VCL: variants seen among roughly 807,000 people sequenced by gnomAD.
The protein encoded by VCL is epididymis luminal protein 114.
VCL carries 47 observed loss-of-function variants against 125.7 expected under a neutral mutation model. The observed-to-expected ratio is 0.37, with a 90% CI of 0.30 to 0.48. The LOEUF (loss-of-function observed/expected upper bound fraction) is 0.48. VCL is among the 20% of genes least tolerant of loss of function. VCL has a pLI of 0.99. For missense variants in VCL, 1,069 were observed against 1,455.5 expected (o/e 0.73, Z 4.32); for synonymous variants, 458 against 514.6 (o/e 0.89, Z 1.49).
Position 74,111,976 on chromosome 10 carries a change from G to A in VCL, c.2813G>A (p.Gly938Asp). 6.2e-7 allele frequency: 1 copy of A among 1,614,182 alleles called. No individual in the cohort carries two copies. Among genetic ancestry groups the A allele is most frequent in the Non-Finnish European group, 8.5e-7 (1 of 1,180,030 alleles). ...VAEADAADAA[G>D]FPVPPDMEDD... ...GAGGCAGATGCGGCCGATGCTGCTG[G>A]CTTCCCTGTCCCCCCTGACATGGAA... is the stretch of plus-strand genomic sequence containing the variant. Residue 938 changes from glycine (G) to aspartate (D), a missense_variant, in exon 19 of 22, where the codon GGC (glycine) becomes GAC (aspartate). Coordinates refer to ENST00000211998, the MANE Select transcript of VCL (RefSeq NM_014000.3).
At chr10:74,009,231 GA>G (rs1386951566) in intron 1 of VCL, among the ~76,000 whole-genome samples, 1 of 27,220 alleles carries the variant, frequency 3.7e-5, no homozygotes, top group Non-Finnish European at 6.7e-5. Flanking sequence ...CCCCCCCCCC[GA>G]GCCATTTTAG....
intron 2 of VCL, among the ~76,000 whole-genome samples, chr10:74,056,294 C>T (rs557077146): frequency 6.6e-6 from 1 of 151,652 alleles, no homozygotes; most frequent in East Asian, 1.9e-4. Context: ...CAATATGACT[C>T]ATTGTGGGTT....
intron 1 of VCL, among the ~76,000 whole-genome samples, chr10:74,002,769 C>G (rs898156198): frequency 1.5e-4 from 23 of 151,250 alleles, no homozygotes; most frequent in African/African-American, 4.6e-4. Flanking sequence ...GTAGTCCCAG[C>G]TACTCGGGAG....
At chr10:74,026,005 A>C (rs1408307111) in intron 1 of VCL, among the ~76,000 whole-genome samples, 6 of 152,214 alleles carry the variant, frequency 3.9e-5, no homozygotes, top group African/African-American at 1.4e-4. Flanking sequence ...TCTGATTTAC[A>C]TAGGGCCCAA....
In VCL at chr10:74,047,853, C is replaced by T. The variant is rs575213841; in HGVS notation, c.239+4700C>T. Among the ~76,000 whole-genome samples, 19 of 152,266 alleles carry T rather than the reference C, an allele frequency of 1.2e-4. No homozygotes were observed. The East Asian group carries it at 3.1e-3, about 25-fold the overall frequency. ...AATACATTTAAAATGATACAATTGT[C>T]GATGAGGAACTTCCAGTGCTCAGGC... is the stretch of plus-strand genomic sequence containing the variant. On this transcript the variant is annotated intron_variant, in intron 2 of 21. Transcript: ENST00000211998.
chr10:74,071,854 G>C lies in VCL; in HGVS notation c.499+771G>C, dbSNP rs1841668032. 6.6e-6 allele frequency among the ~76,000 whole-genome samples: 1 copy of C among 152,210 alleles called. No homozygotes were observed. Among genetic ancestry groups the C allele is most frequent in the Non-Finnish European group, 1.5e-5 (1 of 68,028 alleles). On this transcript the variant is annotated intron_variant, in intron 4 of 21. Coordinates refer to ENST00000211998, the MANE Select transcript of VCL (RefSeq NM_014000.3). The surrounding 1 kb of genome is among the most constrained non-coding windows in gnomAD (Gnocchi z 4.1). The stretch of plus-strand genomic sequence containing the variant: ...GTTAAGAATTTGAGCCATCACTGAA[G>C]ATCACCTGGAAATAGGTTTCTCTGG...
At chr10:74,012,993 C>T (rs1178924323) in intron 1 of VCL, among the ~76,000 whole-genome samples, 2 of 151,866 alleles carry the variant, frequency 1.3e-5, no homozygotes, top group Non-Finnish European at 2.9e-5. Context: ...TGTGATTATT[C>T]ACTGTTTAAC....
intron 9 of VCL, 25 bp downstream of exon 9, chr10:74,089,374 G>A (rs1839840782): frequency 1.2e-6 from 2 of 1,612,904 alleles, no homozygotes; most frequent in East Asian, 2.2e-5. Context: ...TTTCAGGAGG[G>A]GTGGGAAATA....
chr10:74,081,632 TA>T (rs1357389442), intron 6 of VCL, among the ~76,000 whole-genome samples: 6 of 152,190 alleles, frequency 3.9e-5, no homozygotes, highest in African/African-American at 1.4e-4. Context: ...TTTATGTGTT[TA>T]AAAAAATTTA....
intron 19 of VCL, 100 bp downstream of exon 19, chr10:74,112,212 G>C (rs985261360): frequency 4.8e-6 from 7 of 1,473,042 alleles, no homozygotes; most frequent in Non-Finnish European, 6.6e-6. Flanking sequence ...GGTCCTGTGA[G>C]TCTGAGCAGG....
chr10:74,006,363 G>C (rs1840324685), intron 1 of VCL, among the ~76,000 whole-genome samples: 1 of 152,172 alleles, frequency 6.6e-6, no homozygotes, highest in African/African-American at 2.4e-5. Context: ...TATAAATAGA[G>C]CTGGTATAAC....
chr10:74,095,315 G>A (rs920466228), intron 11 of VCL, among the ~76,000 whole-genome samples: 3 of 152,120 alleles, frequency 2.0e-5, no homozygotes, highest in African/African-American at 7.2e-5. Flanking sequence ...AACTGGCTGG[G>A]TGCGGTGGCT....
chr10:74,013,897 T>G (rs1041936739), intron 1 of VCL, among the ~76,000 whole-genome samples: 1 of 76,338 alleles, frequency 1.3e-5, no homozygotes, highest in African/African-American at 4.4e-5. Flanking sequence ...AAAGGCAGTG[T>G]TGATTTAAAA....
chr10:74,017,001 T>A (rs1840554345), intron 1 of VCL: 1 of 151,912 alleles, frequency 6.6e-6, no homozygotes, highest in African/African-American at 2.4e-5. Context: ...TAGAATAATG[T>A]CTTCAAGGTT....
At chr10:74,044,122 AT>A (rs1841151599) in intron 2 of VCL, among the ~76,000 whole-genome samples, 1 of 151,712 alleles carries the variant, frequency 6.6e-6, no homozygotes, top group African/African-American at 2.4e-5. Flanking sequence ...AAAAAAAAAA[AT>A]TATTGTTTCA....
chr10:74,011,165 C>CAAAA (rs71021585), intron 1 of VCL, among the ~76,000 whole-genome samples: 3 of 52,298 alleles, frequency 5.7e-5, no homozygotes, highest in African/African-American at 7.7e-5. Flanking sequence ...AACTCTATCT[C>CAAAA]AAAAAAAAAA....
intron 6 of VCL, among the ~76,000 whole-genome samples, chr10:74,077,942 A>G (rs1174933626): frequency 3.3e-5 from 5 of 152,176 alleles, no homozygotes; most frequent in Non-Finnish European, 5.9e-5. Flanking sequence ...TAAATCAACA[A>G]TCATTTTATA....
chr10:74,078,017 G>A (rs1358020805), intron 6 of VCL, among the ~76,000 whole-genome samples: 1 of 151,932 alleles, frequency 6.6e-6, no homozygotes, highest in Non-Finnish European at 1.5e-5. Context: ...AAGAATTTGA[G>A]TTAAACACAA....
chr10:74,069,040 A>G (rs1378898295), intron 2 of VCL, among the ~76,000 whole-genome samples: 1 of 151,432 alleles, frequency 6.6e-6, no homozygotes, highest in East Asian at 1.9e-4. Context: ...ATACTGCCTT[A>G]TGTTTTTTTT....
Sources: allele counts gnomAD v4.1 joint callset (sites outside exome capture counted in the v4.1 genomes callset), GRCh38; gene constraint gnomAD v4.1.1; non-coding constraint Gnocchi (gnomAD v3.1); transcripts MANE v1.5; gene names NCBI Gene and HGNC (gene_info 2026-07-23, HGNC 2026-07-21).